The following PCNT variants were observed in gnomAD, a reference collection of about 807,000 sequenced individuals.
The protein encoded by PCNT is kendrin.
PCNT carries 319 observed loss-of-function variants against 380.4 expected under a neutral mutation model. The ratio of observed to expected loss-of-function variants is 0.84; its 90% confidence interval spans 0.77 to 0.92. PCNT has a LOEUF of 0.92. Among genes scored for constraint, PCNT ranks in the 40% least tolerant of loss-of-function variants. The pLI is 0.00. For synonymous variants in PCNT, 1,845 were observed against 1,735.2 expected, an observed-to-expected ratio of 1.06 and a Z score of -1.57; for missense variants, 4,400 against 4,255.3, an observed-to-expected ratio of 1.03 and a Z score of -0.95.
At chr21:46,410,728 G>A (rs935513333) in intron 27 of PCNT, among the ~76,000 whole-genome samples, 16 of 152,198 alleles carry the variant, frequency 1.1e-4, no homozygotes, top group African/African-American at 3.4e-4. Context: ...GCGTCACCAC[G>A]AGCAGTGTTG....
intron 9 of PCNT, among the ~76,000 whole-genome samples, chr21:46,352,704 G>T (rs2084317690): frequency 6.6e-6 from 1 of 152,204 alleles, no homozygotes. Context: ...GTACAGCTGG[G>T]TTTTCTGTCC....
At chr21:46,417,638 T>C (rs73379360) in intron 30 of PCNT, among the ~76,000 whole-genome samples, 26,925 of 152,168 alleles carry the variant, frequency 0.18, 4,400 homozygotes, top group African/African-American at 0.43. Context: ...GTTGGGCTCA[T>C]GCTTGTAGTC....
At chr21:46,420,782 C>T (rs1489798974) in intron 31 of PCNT, 1 of 152,398 alleles carries the variant, frequency 6.6e-6, no homozygotes, top group Non-Finnish European at 1.5e-5. Context: ...GTTCCTGGTA[C>T]ACGCTGTGGG....
intron 31 of PCNT, among the ~76,000 whole-genome samples, chr21:46,421,732 A>G (rs1451097908): frequency 1.3e-5 from 2 of 152,228 alleles, no homozygotes; most frequent in Non-Finnish European, 2.9e-5. Flanking sequence ...TCAGGGACTC[A>G]GGTGATGTTC....
At chr21:46,348,889 G>T (rs1446627465) in intron 6 of PCNT, 123 bp from the exon 7 acceptor site, 1 of 694,248 alleles carries the variant, frequency 1.4e-6, no homozygotes, top group Non-Finnish European at 2.6e-6. Context: ...GCCTCTCAAA[G>T]TGCTGGGATT....
rs893885078 is a variant in PCNT, at chr21:46,380,455, C to T, written c.3166-1239C>T. Among the ~76,000 whole-genome samples, 13 of 152,150 alleles carry T rather than the reference C, an allele frequency of 8.5e-5. No individual in the cohort carries two copies. In the South Asian group the frequency reaches 1.2e-3, roughly 15 times the overall value. Reference sequence around the variant, plus strand: ...GATTACAGGCGTGAGCCACCGCGCCCGGCCAACCCTGGGTAGAATTTTTGA... The same window carrying T: ...GATTACAGGCGTGAGCCACCGCGCCTGGCCAACCCTGGGTAGAATTTTTGA... On this transcript the variant is annotated intron_variant, in intron 15 of 46. Transcript: ENST00000359568.
At chr21:46,335,343 AG>A in intron 3 of PCNT, among the ~76,000 whole-genome samples, 1 of 152,264 alleles carries the variant, frequency 6.6e-6, no homozygotes, top group East Asian at 1.9e-4. Flanking sequence ...GTTTTTTGTT[AG>A]CATGTGGAGG....
At chr21:46,330,085 G>C (rs1385203521) in intron 2 of PCNT, among the ~76,000 whole-genome samples, 1 of 152,150 alleles carries the variant, frequency 6.6e-6, no homozygotes, top group African/African-American at 2.4e-5. Flanking sequence ...GCAGTCATCA[G>C]GTATTAACCC....
chr21:46,437,878 C>T lies in PCNT; in HGVS notation c.9100-286C>T, dbSNP rs149599958. ...TGTTTTGAGGGGCTTCACATCCGCC[C>T]CCTTGGGATGAACTAACAACGGTCC... On this transcript the variant is annotated intron_variant, in intron 40 of 46. Coordinates refer to ENST00000359568, the MANE Select transcript of PCNT (RefSeq NM_006031.6). Among the ~76,000 whole-genome samples, 881 of 152,308 alleles carry T rather than the reference C, an allele frequency of 5.8e-3. 11 individuals are homozygous for T. Among genetic ancestry groups the T allele is most frequent in the African/African-American group, 0.02 (839 of 41,560 alleles).
At chr21:46,359,492 T>TTTTTTTTTTTTTTG (rs1569196026) in intron 13 of PCNT, among the ~76,000 whole-genome samples, 1 of 49,562 alleles carries the variant, frequency 2.0e-5, no homozygotes, top group African/African-American at 9.2e-5. Flanking sequence ...TTTTTTTTTG[T>TTTTTTTTTTTTTTG]TTTTTTTTTT....
chr21:46,435,242 T>C (rs747551316), intron 38 of PCNT, among the ~76,000 whole-genome samples: 11 of 152,302 alleles, frequency 7.2e-5, no homozygotes, highest in Admixed American at 1.3e-4. Context: ...TGGTTTTTTT[T>C]GGTAGATGGA....
Position 46,402,503 on chromosome 21 carries a change from C to T in PCNT, c.5115+20C>T, listed in dbSNP as rs996378059. Reference sequence around the variant, plus strand: ...TTGAAGGTAAGCTACCAAAGGTCCACGTGACGCCCGAGTTCATGTTGCTTA... The same window carrying T: ...TTGAAGGTAAGCTACCAAAGGTCCATGTGACGCCCGAGTTCATGTTGCTTA... On this transcript the variant is annotated intron_variant, in intron 27 of 46. Transcript: ENST00000359568. 7.4e-6 allele frequency: 12 copies of T among 1,613,340 alleles called. No homozygotes were observed. The highest frequency in any genetic ancestry group is 1.6e-4 in the Middle Eastern group (1 of 6,074).
At chr21:46,367,512 T>G (rs1358079799) in intron 15 of PCNT, among the ~76,000 whole-genome samples, 1 of 152,158 alleles carries the variant, frequency 6.6e-6, no homozygotes, top group Non-Finnish European at 1.5e-5. Context: ...TTCACCATGT[T>G]GGCCAGGCTG....
intron 38 of PCNT, among the ~76,000 whole-genome samples, chr21:46,434,852 G>A (rs866229547): frequency 2.0e-5 from 3 of 152,214 alleles, no homozygotes; most frequent in Admixed American, 2.0e-4. Flanking sequence ...GGGCGTGTGC[G>A]TGTACATATG....
At position 46,398,151 on chromosome 21, in the gene PCNT, G is replaced by T. The variant is rs753984909; in HGVS notation, c.4563+21G>T. The T allele has an allele frequency of 5.0e-6, 8 of 1,604,676 alleles. No homozygotes were observed. In the Admixed American group the frequency reaches 1.3e-4, roughly 27 times the overall value. ...GCCAGGTGAGTCAGTGCAGCGTGCA[G>T]TGCTGCTGGTTGCTGTCTTTCACTG... On this transcript the variant is annotated intron_variant, in intron 23 of 46. Coordinates refer to ENST00000359568, the MANE Select transcript of PCNT (RefSeq NM_006031.6).
intron 27 of PCNT, among the ~76,000 whole-genome samples, chr21:46,405,353 T>G (rs1035975340): frequency 6.6e-6 from 1 of 152,238 alleles, no homozygotes. Context: ...TCTGATTGTA[T>G]CTTGTATATT....
intron 3 of PCNT, among the ~76,000 whole-genome samples, chr21:46,345,813 G>A (rs988918842): frequency 1.3e-5 from 2 of 152,210 alleles, no homozygotes; most frequent in African/African-American, 4.8e-5. Flanking sequence ...AACACTTGAT[G>A]TAAACGGAAC....
chr21:46,373,753 C>T (rs797002438), intron 15 of PCNT, among the ~76,000 whole-genome samples: 23 of 43,626 alleles, frequency 5.3e-4, no homozygotes, highest in African/African-American at 2.1e-3. Flanking sequence ...TTTTTTTGGG[C>T]GGAGTCTCGC....
At chr21:46,378,494 G>T (rs910947517) in intron 15 of PCNT, among the ~76,000 whole-genome samples, 3 of 152,136 alleles carry the variant, frequency 2.0e-5, no homozygotes, top group Non-Finnish European at 4.4e-5. Flanking sequence ...AGATGCCTGC[G>T]TGTGGGCAGG....
Sources: allele counts gnomAD v4.1 joint callset (sites outside exome capture counted in the v4.1 genomes callset), GRCh38; gene constraint gnomAD v4.1.1; transcripts MANE v1.5; gene names NCBI Gene and HGNC (gene_info 2026-07-23, HGNC 2026-07-21).